Variants in ONECUT1 observed in about 807,000 individuals in gnomAD.
The protein encoded by ONECUT1 is one cut homeobox 1.
Under a neutral mutation model 25.6 loss-of-function variants are expected in ONECUT1, and 12 were observed. That is an observed-to-expected ratio of 0.47 (90% CI 0.30 to 0.76). The LOEUF (loss-of-function observed/expected upper bound fraction) is 0.76, where lower values mean the gene tolerates loss of function less well. Ranked by LOEUF, ONECUT1 falls within the 30% of genes least tolerant of loss-of-function variation. ONECUT1 has a pLI of 0.07. For synonymous variants in ONECUT1, 285 were observed against 270.2 expected, an observed-to-expected ratio of 1.05 and a Z score of -0.54; for missense variants, 620 against 651.2, an observed-to-expected ratio of 0.95 and a Z score of 0.52.
At chr15:52,769,368 C>T (rs1201939733) in intron 1 of ONECUT1, among the ~76,000 whole-genome samples, 1 of 152,188 alleles carries the variant, frequency 6.6e-6, no homozygotes, top group East Asian at 1.9e-4. Context: ...GCAAGAGACA[C>T]AAGTCTTTTA....
At chr15:52,775,216 T>C (rs2083792332) in intron 1 of ONECUT1, among the ~76,000 whole-genome samples, 1 of 149,334 alleles carries the variant, frequency 6.7e-6, no homozygotes, top group South Asian at 2.1e-4. Context: ...TAGAATAAGC[T>C]AGAATAAGGG....
In ONECUT1 at chr15:52,755,467, C is replaced by A. The variant is rs2083669857; in HGVS notation, c.*2088G>T. 6.6e-6 allele frequency among the ~76,000 whole-genome samples: 1 copy of A among 152,158 alleles called. No homozygotes were observed. The highest frequency in any genetic ancestry group is 2.4e-5 in the African/African-American group (1 of 41,432). ...AAACAAAAAACAAAACATGTCAAGG[C>A]AAATGAAGTATTTCATCAAAAGAGA... On this transcript the variant is annotated 3_prime_UTR_variant, in exon 2 of 2. Coordinates refer to ENST00000305901, the MANE Select transcript of ONECUT1 (RefSeq NM_004498.4).
At chr15:52,785,899 G>A (rs1453540330) in intron 1 of ONECUT1, 2 of 152,260 alleles carry the variant, frequency 1.3e-5, no homozygotes, top group Non-Finnish European at 2.9e-5. Context: ...GTGCAAGAGG[G>A]TTTTGACCCT....
chr15:52,762,977 C>CAGAG (rs138699375), intron 1 of ONECUT1, among the ~76,000 whole-genome samples: 2 of 149,208 alleles, frequency 1.3e-5, no homozygotes, highest in Non-Finnish European at 3.0e-5. Context: ...GCAAGATAGA[C>CAGAG]AGAGAGAGAG....
intron 1 of ONECUT1, among the ~76,000 whole-genome samples, chr15:52,785,495 C>T (rs1326462203): frequency 6.6e-6 from 1 of 152,250 alleles, no homozygotes; most frequent in Non-Finnish European, 1.5e-5. Flanking sequence ...ACACCCACCC[C>T]CGCCCGAACC....
In ONECUT1 at chr15:52,788,763, C is replaced by A. The variant is rs751047920; in HGVS notation, c.1105+17G>T. ...TGTACCTTATCTCCCGCGCGCCCAG[C>A]TCCTTGGCCGGCTCACCTGCTAAGC... On this transcript the variant is annotated intron_variant, in intron 1 of 1. Coordinates refer to ENST00000305901, the MANE Select transcript of ONECUT1 (RefSeq NM_004498.4). The surrounding 1 kb of genome is among the most constrained non-coding windows in gnomAD (Gnocchi z 4.3). 5.0e-6 allele frequency: 8 copies of A among 1,596,672 alleles called. No individual in the cohort carries two copies. Among genetic ancestry groups the A allele is most frequent in the Middle Eastern group, 1.7e-4 (1 of 5,952 alleles).
chr15:52,783,290 A>G (rs1258512853), intron 1 of ONECUT1, among the ~76,000 whole-genome samples: 1 of 152,198 alleles, frequency 6.6e-6, no homozygotes, highest in Non-Finnish European at 1.5e-5. Context: ...GCGTGGAGGG[A>G]CGAAAAGATC....
At chr15:52,773,921 A>G (rs2083783628) in intron 1 of ONECUT1, among the ~76,000 whole-genome samples, 1 of 152,212 alleles carries the variant, frequency 6.6e-6, no homozygotes. Flanking sequence ...CTCTCTATCT[A>G]TATGTTGAAT....
chr15:52,770,857 T>A (rs1309069704), intron 1 of ONECUT1, among the ~76,000 whole-genome samples: 1 of 151,958 alleles, frequency 6.6e-6, no homozygotes, highest in Non-Finnish European at 1.5e-5. Context: ...TCTGTGTCAG[T>A]TTATGAGAGA....
intron 1 of ONECUT1, among the ~76,000 whole-genome samples, chr15:52,782,618 T>C (rs999644596): frequency 1.1e-4 from 16 of 152,220 alleles, no homozygotes; most frequent in Admixed American, 2.0e-4. Flanking sequence ...ATTTGTTAAA[T>C]GTTTTCTCCA....
chr15:52,757,944 G>T, intron 1 of ONECUT1, 97 bp from the exon 2 acceptor site: 1 of 1,332,142 alleles, frequency 7.5e-7, no homozygotes, highest in Non-Finnish European at 1.0e-6. Flanking sequence ...ATTCCTCATG[G>T]CCTGCTTTCT....
In ONECUT1 at chr15:52,788,788, C is replaced by T; in HGVS notation, c.1097G>A (p.Arg366His). 6.2e-7 allele frequency: 1 copy of T among 1,609,522 alleles called. No homozygotes were observed. The highest frequency in any genetic ancestry group is 8.5e-7 in the Non-Finnish European group (1 of 1,177,352). ...CTCCTTGGCCGGCTCACCTGCTAAG[C>T]GGAGCGCGGACATGCGCTGGAACTC... ...EPEFQRMSAL[R>H]LAACKRKEQE... is the part of the protein sequence containing the mutation. Residue 366 changes from arginine (R) to histidine (H), a missense_variant, in exon 1 of 2, where the codon CGC becomes CAC. Physicochemically the swap from Arg to His is conservative, Grantham distance 29. Coordinates refer to ENST00000305901, the MANE Select transcript of ONECUT1 (RefSeq NM_004498.4). The surrounding 1 kb of genome is among the most constrained non-coding windows in gnomAD (Gnocchi z 4.3).
intron 1 of ONECUT1, among the ~76,000 whole-genome samples, chr15:52,765,286 G>A (rs1425710426): frequency 6.6e-6 from 1 of 152,200 alleles, no homozygotes; most frequent in African/African-American, 2.4e-5. Flanking sequence ...CTAACTGGAT[G>A]ACTTTAAATG....
chr15:52,762,752 G>A (rs1042258312), intron 1 of ONECUT1, among the ~76,000 whole-genome samples: 10 of 152,210 alleles, frequency 6.6e-5, no homozygotes, highest in African/African-American at 2.4e-4. Context: ...AGAGATATCA[G>A]TAAAATGGAG....
At chr15:52,781,539 A>G (rs2083841242) in intron 1 of ONECUT1, among the ~76,000 whole-genome samples, 1 of 152,126 alleles carries the variant, frequency 6.6e-6, no homozygotes, top group Non-Finnish European at 1.5e-5. Context: ...TGGAGGATAA[A>G]ATGTTCTGGG....
At chr15:52,785,401 C>G (rs1009807298) in intron 1 of ONECUT1, among the ~76,000 whole-genome samples, 2 of 152,090 alleles carry the variant, frequency 1.3e-5, no homozygotes, top group South Asian at 2.1e-4. Context: ...AAACACCGGA[C>G]GGGAAGGGGG....
At chr15:52,777,737 C>CACACACACAAAAAA (rs57187579) in intron 1 of ONECUT1, among the ~76,000 whole-genome samples, 13 of 103,458 alleles carry the variant, frequency 1.3e-4, no homozygotes, top group African/African-American at 2.2e-4. Context: ...CACACACACA[C>CACACACACAAAAAA]AAAAAAACAT....
intron 1 of ONECUT1, among the ~76,000 whole-genome samples, chr15:52,781,941 T>C (rs1185035097): frequency 1.3e-5 from 2 of 152,240 alleles, no homozygotes; most frequent in Non-Finnish European, 2.9e-5. Flanking sequence ...TCCTTATCAG[T>C]TACTATGACA....
At chr15:52,780,636 G>T (rs1265420383) in intron 1 of ONECUT1, 4 of 1,535,286 alleles carry the variant, frequency 2.6e-6, no homozygotes, top group Non-Finnish European at 3.5e-6. Context: ...TACTCGAATC[G>T]CTTTAGCCAC....
Sources: allele counts gnomAD v4.1 joint callset (sites outside exome capture counted in the v4.1 genomes callset), GRCh38; gene constraint gnomAD v4.1.1; non-coding constraint Gnocchi (gnomAD v3.1); transcripts MANE v1.5; gene names NCBI Gene and HGNC (gene_info 2026-07-23, HGNC 2026-07-21).